Variants in HSPA4L observed in about 807,000 individuals in gnomAD.
The protein encoded by HSPA4L is heat shock 70 kDa protein 4L.
In HSPA4L, 48 loss-of-function variants were observed where a neutral mutation model predicts 100.3. The observed-to-expected ratio is 0.48, with a 90% CI of 0.38 to 0.61. The LOEUF (loss-of-function observed/expected upper bound fraction) is 0.61. Among genes scored for constraint, HSPA4L ranks in the 20% least tolerant of loss-of-function variants. HSPA4L has a pLI of 0.00. For synonymous variants in HSPA4L, 319 were observed against 328.2 expected (o/e 0.97, Z 0.30); for missense variants, 886 against 988.6 (o/e 0.90, Z 1.39).
intron 14 of HSPA4L, among the ~76,000 whole-genome samples, chr4:127,821,259 A>G (rs1308829992): frequency 2.6e-5 from 4 of 152,118 alleles, no homozygotes; most frequent in Non-Finnish European, 2.9e-5. Context: ...GGAGATCCTG[A>G]ATAATTTGGA....
chr4:127,782,350 C>T lies in HSPA4L; in HGVS notation c.-201C>T, dbSNP rs1185679566. 1.1e-5 allele frequency: 6 copies of T among 560,968 alleles called. No homozygotes were observed. Among genetic ancestry groups the T allele is most frequent in the African/African-American group, 3.9e-5 (2 of 51,542 alleles). 34.7% of individuals were successfully genotyped at this position (560,968 alleles called of 1,614,324 possible). On this transcript the variant is annotated 5_prime_UTR_variant, in exon 1 of 19. Coordinates refer to ENST00000296464, the MANE Select transcript of HSPA4L (RefSeq NM_014278.4). Reference sequence around the variant, plus strand: ...AGGGAAAGACCCAGGCTGCGGGACGCGGTGCAGGCTGCGGCGCTGACGGCC... The same window carrying T: ...AGGGAAAGACCCAGGCTGCGGGACGTGGTGCAGGCTGCGGCGCTGACGGCC...
Position 127,794,082 on chromosome 4 carries a change from G to A in HSPA4L, c.113G>A (p.Cys38Tyr), listed in dbSNP as rs1732950958. 12 of 1,608,826 alleles carry A rather than the reference G, an allele frequency of 7.5e-6. No homozygotes were observed. Among genetic ancestry groups the A allele is most frequent in the Admixed American group, 3.3e-5 (2 of 59,720 alleles). Residue 38 changes from cysteine (C) to tyrosine (Y), a missense_variant, in exon 2 of 19, where the codon TGT becomes TAT. By Grantham distance (194) the Cys-to-Tyr change is radical (BLOSUM62 -2). Transcript: ENST00000296464. ...NEYSDRCTPA[C>Y]ISLGSRTRAI... ...TTTTTGTTTTTCTGGTTTAGGGCCT[G>A]TATATCATTGGGATCAAGAACTCGA...
rs1023919681 is a variant in HSPA4L at position 127,835,027 on chromosome 4, G to GTAT, written c.*2155_*2157dup. 1.6e-4 allele frequency: 25 copies of GTAT among 152,076 alleles called. No individual in the cohort carries two copies. Among genetic ancestry groups the GTAT allele is most frequent in the African/African-American group, 5.1e-4 (21 of 41,502 alleles). 9.4% of individuals were successfully genotyped at this position (152,076 alleles called of 1,614,324 possible). ...TTCAAAAACGATTTAGCCTTATAATGTATTTATTTATTTAATTCATTAATG... is the reference window on the plus strand; with the variant it reads ...TTCAAAAACGATTTAGCCTTATAATGTATTATTTATTTATTTAATTCATTAATG... On this transcript the variant is annotated 3_prime_UTR_variant, in exon 19 of 19. Coordinates refer to ENST00000296464, the MANE Select transcript of HSPA4L (RefSeq NM_014278.4).
At position 127,808,132 on chromosome 4, in the gene HSPA4L, A is replaced by T; in HGVS notation, c.1378+3A>T. ...GCCTTATCCTGATGCAAGAATTGGTAAGATAAAAAAAAGTTCTCCATAACA... is the reference window on the plus strand; with the variant it reads ...GCCTTATCCTGATGCAAGAATTGGTTAGATAAAAAAAAGTTCTCCATAACA... On this transcript the variant is annotated splice_donor_region_variant and intron_variant, in intron 11 of 18. Coordinates refer to ENST00000296464, the MANE Select transcript of HSPA4L (RefSeq NM_014278.4). The T allele has an allele frequency of 6.3e-7, 1 of 1,582,234 alleles. No homozygotes were observed. The highest frequency in any genetic ancestry group is 8.5e-7 in the Non-Finnish European group (1 of 1,171,080).
chr4:127,837,685 A>C lies in HSPA4L; in HGVS notation c.*4811A>C, dbSNP rs945694359. The C allele has an allele frequency of 6.6e-6, 1 of 152,256 alleles. No homozygotes were observed. The highest frequency in any genetic ancestry group is 1.5e-5 in the Non-Finnish European group (1 of 68,046). The allele number at this position is 152,256 out of a possible 1,614,324, so 9.4% of individuals were successfully genotyped here. On this transcript the variant is annotated 3_prime_UTR_variant, in exon 19 of 19. Transcript: ENST00000296464. ...AAGAAGCATATAATTTCTTTTGATA[A>C]AAAGTAACAAAAATTTAATGCAGAT...
intron 1 of HSPA4L, among the ~76,000 whole-genome samples, chr4:127,790,341 G>A (rs781653072): frequency 1.3e-5 from 2 of 152,188 alleles, no homozygotes; most frequent in African/African-American, 2.4e-5. Flanking sequence ...TATAAGGTAG[G>A]CTGAGAAATG....
intron 12 of HSPA4L, chr4:127,812,958 CT>C: frequency 1.2e-6 from 1 of 820,018 alleles, no homozygotes; most frequent in Non-Finnish European, 2.1e-6. Flanking sequence ...GAATCTTGCC[CT>C]TAACTTGTTT....
intron 12 of HSPA4L, chr4:127,813,199 AT>A: frequency 1.5e-6 from 2 of 1,315,978 alleles, no homozygotes; most frequent in East Asian, 2.3e-5. Context: ...TGTGTTCGTC[AT>A]TTTGGCGAAT....
At chr4:127,805,257 A>G in intron 9 of HSPA4L, 33 bp downstream of exon 9, 1 of 1,545,754 alleles carries the variant, frequency 6.5e-7, no homozygotes, top group Non-Finnish European at 8.8e-7. Flanking sequence ...TAGAATATGT[A>G]TTTTGCCAGA....
chr4:127,801,647 T>C, intron 5 of HSPA4L, 138 bp from the exon 6 acceptor site: 2 of 623,864 alleles, frequency 3.2e-6, no homozygotes, highest in Non-Finnish European at 5.1e-6. Context: ...ATTAACCGAA[T>C]TGTGAAAAGT....
chr4:127,794,385 A>G (rs114395674), intron 2 of HSPA4L, among the ~76,000 whole-genome samples: 7 of 152,132 alleles, frequency 4.6e-5, no homozygotes, highest in Middle Eastern at 3.4e-3. Flanking sequence ...TGTGACATCA[A>G]TTTTTCCCCA....
chr4:127,820,501 C>T lies in HSPA4L; in HGVS notation c.1748C>T (p.Pro583Leu), dbSNP rs756935850. 9.4e-6 allele frequency: 15 copies of T among 1,601,964 alleles called. No individual in the cohort carries two copies. The highest frequency in any genetic ancestry group is 3.4e-5 in the Admixed American group (2 of 58,098). The change falls in exon 14 of 19, where the codon CCG becomes CTG. Residue 583 changes from proline (P) to leucine (L), a missense_variant. Transcript: ENST00000296464. ...GGAAAAGTCAAAAGTATTGATCTAC[C>T]GATCCAGAGTAGCCTATGTAGACAA... ...KKGKVKSIDLPIQSSLCRQLG... is the reference protein window; with the variant it reads ...KKGKVKSIDLLIQSSLCRQLG...
chr4:127,784,173 G>T (rs1732647266), intron 1 of HSPA4L, among the ~76,000 whole-genome samples: 1 of 152,234 alleles, frequency 6.6e-6, no homozygotes, highest in Non-Finnish European at 1.5e-5. Context: ...CAGAGTAGGG[G>T]TTAAAAATGG....
At position 127,790,796 on chromosome 4, in the gene HSPA4L, C is replaced by T. The variant is rs576745795; in HGVS notation, c.108-3281C>T. ...TCTTACTATCTAGTCCAGCACTGTC[C>T]AATAAAAGCATATGAGCTACATAGG... On this transcript the variant is annotated intron_variant, in intron 1 of 18. Transcript: ENST00000296464. 1.2e-4 allele frequency among the ~76,000 whole-genome samples: 18 copies of T among 152,164 alleles called. No homozygotes were observed. The East Asian group carries it at 3.3e-3, about 28-fold the overall frequency.
intron 3 of HSPA4L, among the ~76,000 whole-genome samples, chr4:127,797,858 C>T (rs1733068391): frequency 6.6e-6 from 1 of 152,050 alleles, no homozygotes; most frequent in Non-Finnish European, 1.5e-5. Flanking sequence ...GCCTCGGCCT[C>T]CCAAGGTCCT....
chr4:127,805,533 G>A (rs1733329584), intron 9 of HSPA4L, among the ~76,000 whole-genome samples, 154 bp from the exon 10 acceptor site: 1 of 151,992 alleles, frequency 6.6e-6, no homozygotes. Flanking sequence ...GAGTACTCAG[G>A]CCCTTTTAAA....
intron 10 of HSPA4L, among the ~76,000 whole-genome samples, chr4:127,807,227 G>A (rs1236812158): frequency 6.6e-6 from 1 of 151,858 alleles, no homozygotes; most frequent in African/African-American, 2.4e-5. Flanking sequence ...ATTGGTTTCT[G>A]GGCCACTATA....
intron 2 of HSPA4L, among the ~76,000 whole-genome samples, chr4:127,794,765 A>G (rs1732974077): frequency 6.6e-6 from 1 of 152,074 alleles, no homozygotes; most frequent in Admixed American, 6.6e-5. Flanking sequence ...ACAGATAATC[A>G]GAGTCTCTAA....
At chr4:127,824,424 A>G (rs1476775567) in intron 16 of HSPA4L, among the ~76,000 whole-genome samples, 1 of 152,252 alleles carries the variant, frequency 6.6e-6, no homozygotes, top group Non-Finnish European at 1.5e-5. Flanking sequence ...TCAGAAATGT[A>G]TAAGAGGAAA....
Sources: allele counts gnomAD v4.1 joint callset (sites outside exome capture counted in the v4.1 genomes callset), GRCh38; gene constraint gnomAD v4.1.1; transcripts MANE v1.5; gene names NCBI Gene and HGNC (gene_info 2026-07-23, HGNC 2026-07-21).